Variants in SGCD observed in about 807,000 individuals in gnomAD.
SGCD encodes the protein delta-sarcoglycan.
A neutral mutation model predicts 36.6 loss-of-function variants in SGCD; 18 were observed. That is an observed-to-expected ratio of 0.49 (90% confidence interval 0.34 to 0.73). The LOEUF (loss-of-function observed/expected upper bound fraction) is 0.73. Among genes scored for constraint, SGCD ranks in the 30% least tolerant of loss-of-function variants. The pLI is 0.01. For missense variants in SGCD, 387 were observed against 346.7 expected (o/e 1.12, Z -0.92); for synonymous variants, 133 against 130.6 (o/e 1.02, Z -0.12).
In SGCD at chr5:156,127,749, A is replaced by G. The variant is rs371870316; in HGVS notation, c.-44+3730A>G. Reference sequence around the variant, plus strand: ...AGGAAAAATTGCTTGAACAAATAATACAAAACAGCCGGATATTTATGTAAA... The same window carrying G: ...AGGAAAAATTGCTTGAACAAATAATGCAAAACAGCCGGATATTTATGTAAA... On this transcript the variant is annotated intron_variant, in intron 3 of 9. Coordinates refer to the SGCD transcript ENST00000517913. Among the ~76,000 whole-genome samples the G allele has an allele frequency of 3.5e-4, 53 of 151,952 alleles. No individual in the cohort carries two copies. The East Asian group carries it at 3.7e-3, about 11-fold the overall frequency.
At chr5:155,773,991 A>G in the SGCD span, among the ~76,000 whole-genome samples, 18 of 152,234 alleles carry the variant, frequency 1.2e-4, no homozygotes, top group Admixed American at 1.0e-3. Context: ...ACATGTTGAT[A>G]GTTGAGTTCT....
Position 156,386,605 on chromosome 5 carries a change from C to T in SGCD, c.192+41928C>T, listed in dbSNP as rs139965687. On this transcript the variant is annotated intron_variant, in intron 3 of 8. Coordinates refer to ENST00000337851, the MANE Select transcript of SGCD (RefSeq NM_000337.6). The stretch of plus-strand genomic sequence containing the variant: ...GGGTGCTAATAGTCCCTTGCGATGC[C>T]GCCATATATCTTAATGAAATGAAGG... Among the ~76,000 whole-genome samples, 173 of 152,296 alleles carry T rather than the reference C, an allele frequency of 1.1e-3. 1 individual carries two copies. The highest frequency in any genetic ancestry group is 3.4e-3 in the African/African-American group (142 of 41,564).
intron 1 of SGCD, among the ~76,000 whole-genome samples, chr5:155,991,790 C>T (rs1047034781): frequency 1.3e-5 from 2 of 152,152 alleles, no homozygotes; most frequent in Non-Finnish European, 2.9e-5. Context: ...ACTCAAGTCT[C>T]AATAACCCGT....
chr5:156,194,226 A>G (rs1457253060), intron 3 of SGCD, among the ~76,000 whole-genome samples: 2 of 152,090 alleles, frequency 1.3e-5, no homozygotes, highest in Non-Finnish European at 2.9e-5. Context: ...AAAAAATACA[A>G]AAATTAGCTG....
upstream of SGCD, among the ~76,000 whole-genome samples, chr5:155,867,295 C>T (rs558678099): frequency 1.2e-4 from 18 of 152,132 alleles, no homozygotes; most frequent in South Asian, 3.1e-3. Flanking sequence ...AAAAATACGG[C>T]AAAGATAAAG....
At chr5:155,850,917 G>A in the SGCD span, among the ~76,000 whole-genome samples, 2 of 152,154 alleles carry the variant, frequency 1.3e-5, no homozygotes, top group Admixed American at 1.3e-4. Flanking sequence ...TGTTTTGCTT[G>A]AAAACAGATT....
chr5:155,980,954 T>TAG (rs1758217080), intron 1 of SGCD, among the ~76,000 whole-genome samples: 1 of 152,144 alleles, frequency 6.6e-6, no homozygotes, highest in Non-Finnish European at 1.5e-5. Context: ...GTGGTCAACT[T>TAG]ACAAAATCCA....
At chr5:156,318,063 A>T (rs971480491) in intron 3 of SGCD, among the ~76,000 whole-genome samples, 1 of 152,170 alleles carries the variant, frequency 6.6e-6, no homozygotes, top group African/African-American at 2.4e-5. Flanking sequence ...CAGTGAAGAG[A>T]CTTAGAAAGC....
intron 1 of SGCD, among the ~76,000 whole-genome samples, chr5:156,000,547 C>A (rs1758642418): frequency 6.6e-6 from 1 of 152,068 alleles, no homozygotes; most frequent in Non-Finnish European, 1.5e-5. Flanking sequence ...TGAAACTAAT[C>A]CAAGAAAATA....
intron 4 of SGCD, among the ~76,000 whole-genome samples, chr5:156,529,263 A>T (rs755585065): frequency 1.3e-5 from 2 of 151,956 alleles, no homozygotes; most frequent in Non-Finnish European, 2.9e-5. Flanking sequence ...CGTCTCTACT[A>T]AAAATACAAA....
intron 3 of SGCD, among the ~76,000 whole-genome samples, chr5:156,312,963 C>A (rs988166250): frequency 2.6e-5 from 4 of 152,188 alleles, no homozygotes; most frequent in East Asian, 1.9e-4. Flanking sequence ...GTTTACAAAG[C>A]CCTTGACAGT....
At chr5:156,410,705 G>A (rs566451682) in intron 3 of SGCD, among the ~76,000 whole-genome samples, 10 of 152,180 alleles carry the variant, frequency 6.6e-5, no homozygotes, top group African/African-American at 2.2e-4. Flanking sequence ...ACCTTTGATG[G>A]ACAGTCAAGC....
In SGCD at chr5:156,650,131, G is replaced by C. The variant is rs375361873; in HGVS notation, c.575+2595G>C. ...GCAGAGTATTTGCACATGTTATGCT[G>C]AGACATAATCGTAGTGTTTGTTACA... On this transcript the variant is annotated intron_variant, in intron 7 of 8. Coordinates refer to ENST00000337851, the MANE Select transcript of SGCD (RefSeq NM_000337.6). Among the ~76,000 whole-genome samples, 136 of 152,240 alleles carry C rather than the reference G, an allele frequency of 8.9e-4. 2 individuals are homozygous for C. The highest frequency in any genetic ancestry group is 3.1e-3 in the African/African-American group (128 of 41,552).
chr5:156,321,974 G>A (rs1767684890), upstream of SGCD, among the ~76,000 whole-genome samples: 1 of 152,028 alleles, frequency 6.6e-6, no homozygotes, highest in Admixed American at 6.5e-5. Flanking sequence ...CCCGATGAAC[G>A]CCTCTTTTCA....
intron 3 of SGCD, among the ~76,000 whole-genome samples, chr5:156,293,954 C>T (rs979552234): frequency 2.0e-5 from 3 of 152,068 alleles, no homozygotes; most frequent in Admixed American, 6.6e-5. Context: ...TTAAATCTTC[C>T]AATCCATGAA....
chr5:156,472,919 T>G (rs551821527), intron 3 of SGCD, among the ~76,000 whole-genome samples: 19 of 152,294 alleles, frequency 1.2e-4, no homozygotes, highest in African/African-American at 4.6e-4. Flanking sequence ...GTGACAATAT[T>G]AGTTGAAATG....
intron 3 of SGCD, among the ~76,000 whole-genome samples, chr5:156,383,658 T>G (rs944000788): frequency 2.6e-5 from 4 of 152,148 alleles, no homozygotes; most frequent in Admixed American, 6.6e-5. Context: ...GGAATTTGAC[T>G]GGAAACTAAA....
At chr5:156,096,830 T>A (rs781289358) in intron 1 of SGCD, among the ~76,000 whole-genome samples, 1 of 152,216 alleles carries the variant, frequency 6.6e-6, no homozygotes, top group African/African-American at 2.4e-5. Flanking sequence ...CCAAGATTCT[T>A]TTATTCTTTC....
In SGCD at chr5:156,082,935, A is replaced by AT. The variant is rs538767785; in HGVS notation, c.-281-34943_-281-34942insT. Among the ~76,000 whole-genome samples, 633 of 146,494 alleles carry AT rather than the reference A, an allele frequency of 4.3e-3. 2 individuals are homozygous for AT. The highest frequency in any genetic ancestry group is 0.012 in the African/African-American group (490 of 40,068). On this transcript the variant is annotated intron_variant, in intron 1 of 9. Coordinates refer to the SGCD transcript ENST00000517913. ...CTTGCTAGCATTTGATGTTGTCGCT[A>AT]ATTTTTTTTTTAATTTTAGCCATCC... is the stretch of plus-strand genomic sequence containing the variant.
Sources: gnomAD v4.1 joint callset for allele counts (sites outside exome capture counted in the v4.1 genomes callset) on GRCh38, gnomAD v4.1.1 for gene constraint, MANE v1.5 for transcripts, NCBI Gene and HGNC (gene_info 2026-07-23, HGNC 2026-07-21) for gene names.